Variants in TSNAXIP1 observed in about 807,000 individuals in gnomAD.
TSNAXIP1 encodes translin associated factor X interacting protein 1.
A neutral mutation model predicts 84.8 loss-of-function variants in TSNAXIP1; 89 were observed. The ratio of observed to expected loss-of-function variants is 1.05; its 90% confidence interval spans 0.88 to 1.25. The LOEUF (loss-of-function observed/expected upper bound fraction) is 1.25, where lower values mean the gene tolerates loss of function less well. Ranked by LOEUF, TSNAXIP1 falls within the 50% of genes most tolerant of loss-of-function variation. The pLI, the probability that TSNAXIP1 is intolerant of heterozygous loss-of-function variation, is 0.00. For missense variants in TSNAXIP1, 874 were observed against 887.6 expected (o/e 0.98, Z 0.20); for synonymous variants, 347 against 335.2 (o/e 1.04, Z -0.39).
At position 67,821,041 on chromosome 16, in the gene TSNAXIP1, T is replaced by A. The variant is rs952212272; in HGVS notation, c.261-58T>A. The A allele has an allele frequency of 2.5e-6, 4 of 1,608,102 alleles. No individual in the cohort carries two copies. The African/African-American group carries it at 5.3e-5, about 21-fold the overall frequency. On this transcript the variant is annotated intron_variant, in intron 3 of 15. Coordinates refer to ENST00000561639, the MANE Select transcript of TSNAXIP1 (RefSeq NM_001288990.3). The stretch of plus-strand genomic sequence containing the variant: ...GGCAGGGGCGTGTGTTGCCCCAGAC[T>A]GAGGGCACAAGGGCCCCGTGGGGGT...
chr16:67,821,261 G>GC, intron 4 of TSNAXIP1, 36 bp downstream of exon 4: 57 of 741,816 alleles, frequency 7.7e-5, no homozygotes, highest in Non-Finnish European at 1.1e-4. Flanking sequence ...GAGGGCGGGG[G>GC]AAGGGTGGGA....
At chr16:67,818,557 G>T (rs1389273453) in intron 2 of TSNAXIP1, among the ~76,000 whole-genome samples, 1 of 151,662 alleles carries the variant, frequency 6.6e-6, no homozygotes, top group African/African-American at 2.4e-5. Flanking sequence ...TGTCTTCCAG[G>T]GTTATTTTGT....
chr16:67,825,632 G>A (rs764244068), intron 7 of TSNAXIP1, 35 bp from the exon 8 acceptor site: 18 of 1,585,866 alleles, frequency 1.1e-5, no homozygotes, highest in South Asian at 2.3e-5. Flanking sequence ...AGAAAGCCAC[G>A]GTGACACGGG....
Position 67,820,871 on chromosome 16 carries a change from C to T in TSNAXIP1, c.180C>T (p.Ser60=). ...TGQFSMGGHL[S]PWPTYTSGQT... is the part of the protein sequence containing the mutation. ...AGTTCTCCATGGGTGGGCACCTGTC[C>T]CCATGGCCCACATACACCAGTGGCC... The change falls in exon 3 of 16, where the codon TCC becomes TCT. Residue 60 remains serine, a synonymous_variant. Transcript: ENST00000561639. The T allele has an allele frequency of 6.3e-7, 1 of 1,582,528 alleles. No individual in the cohort carries two copies. Among genetic ancestry groups the T allele is most frequent in the Non-Finnish European group, 8.6e-7 (1 of 1,165,454 alleles).
chr16:67,809,482 G>T (rs1567733971), intron 1 of TSNAXIP1, among the ~76,000 whole-genome samples: 1 of 150,856 alleles, frequency 6.6e-6, no homozygotes, highest in East Asian at 2.0e-4. Context: ...AATCAGCCAG[G>T]CATGGTGACC....
At chr16:67,826,383 T>C in intron 10 of TSNAXIP1, 54 bp from the exon 11 acceptor site, 1 of 1,609,148 alleles carries the variant, frequency 6.2e-7, no homozygotes. Flanking sequence ...TCTTCCCTGA[T>C]TGGGGGTGGG....
rs928490051 is a variant in TSNAXIP1 at position 67,825,821 on chromosome 16, G to C, written c.969G>C (p.Lys323Asn). The C allele has an allele frequency of 1.9e-6, 3 of 1,614,076 alleles. No homozygotes were observed. The highest frequency in any genetic ancestry group is 2.2e-5 in the East Asian group (1 of 44,888). Residue 323 changes from lysine (K) to asparagine (N), a missense_variant, in exon 8 of 16, where the codon AAG (lysine) becomes AAC (asparagine). By Grantham distance (94) the Lys-to-Asn change is moderately conservative. Transcript: ENST00000561639. ...RDFEMQEKTN[K>N]DLQEQLDTLR... Reference sequence around the variant, plus strand: ...TTGAAATGCAGGAGAAGACCAACAAGGATCTTCAGGAGCAGGTGCTGGCAG... The same window carrying C: ...TTGAAATGCAGGAGAAGACCAACAACGATCTTCAGGAGCAGGTGCTGGCAG...
Position 67,826,058 on chromosome 16 carries a change from G to C in TSNAXIP1, c.1126G>C (p.Asp376His). ...CCAGCGCACTTCCACGCCGCGGCCT[G>C]ACTGGACCAAGTGCAAAGGTGAGGG... ...EIQRTSTPRP[D>H]WTKCKDVVAG... The change falls in exon 9 of 16, where the codon GAC becomes CAC. Residue 376 changes from aspartate to histidine, a missense_variant. By Grantham distance (81) the Asp-to-His change is moderately conservative (BLOSUM62 -1). Transcript: ENST00000561639. 6.2e-7 allele frequency: 1 copy of C among 1,613,582 alleles called. No homozygotes were observed. The highest frequency in any genetic ancestry group is 8.5e-7 in the Non-Finnish European group (1 of 1,180,036).
At chr16:67,818,703 CTTTT>C (rs910240626) in intron 2 of TSNAXIP1, among the ~76,000 whole-genome samples, 3 of 135,542 alleles carry the variant, frequency 2.2e-5, no homozygotes, top group Non-Finnish European at 3.2e-5. Context: ...AGACCCCATC[CTTTT>C]TTTTTTTTTT....
chr16:67,825,282 A>C lies in TSNAXIP1; in HGVS notation c.814+10A>C. The C allele has an allele frequency of 1.2e-6, 2 of 1,613,734 alleles. No individual in the cohort carries two copies. ...TTAGCCCAGTCGCCAGGTAAGCCTGAATTGGGAATCGGGTTTCTCTCTTCT... is the reference window on the plus strand; with the variant it reads ...TTAGCCCAGTCGCCAGGTAAGCCTGCATTGGGAATCGGGTTTCTCTCTTCT... On this transcript the variant is annotated intron_variant, in intron 7 of 15. Transcript: ENST00000561639.
intron 1 of TSNAXIP1, 42 bp downstream of exon 1, chr16:67,807,238 T>C: frequency 6.5e-7 from 1 of 1,535,634 alleles, no homozygotes; most frequent in Non-Finnish European, 8.7e-7. Flanking sequence ...AGGGTTTGAG[T>C]ACTTCTAGAG....
intron 4 of TSNAXIP1, among the ~76,000 whole-genome samples, chr16:67,822,293 A>AG (rs905929150): frequency 3.3e-5 from 5 of 151,682 alleles, no homozygotes; most frequent in South Asian, 2.1e-4. Flanking sequence ...AAAAAAAAAA[A>AG]AAAAGAAAAC....
chr16:67,827,197 G>A (rs952161607), intron 13 of TSNAXIP1, 52 bp from the exon 14 acceptor site: 2 of 1,611,332 alleles, frequency 1.2e-6, no homozygotes, highest in Non-Finnish European at 1.7e-6. Context: ...ACTAGGGAGA[G>A]GCACAAGCAG....
chr16:67,826,225 G>A lies in TSNAXIP1; in HGVS notation c.1218G>A (p.Val406=). ...AGAACAGCGACCAGCTGGTGGACGT[G>A]CTCCTGGAAGAGATTGGTTCGGGGC... The part of the protein sequence containing the change: ...EGKNSDQLVD[V]LLEEIGSGLL... The change falls in exon 10 of 16, where the codon GTG becomes GTA. Residue 406 remains valine, a synonymous_variant. Coordinates refer to ENST00000561639, the MANE Select transcript of TSNAXIP1 (RefSeq NM_001288990.3). 6.2e-7 allele frequency: 1 copy of A among 1,602,122 alleles called. No individual in the cohort carries two copies. Among genetic ancestry groups the A allele is most frequent in the Non-Finnish European group, 8.5e-7 (1 of 1,173,168 alleles).
In TSNAXIP1 at chr16:67,824,856, G is replaced by A. The variant is rs965826480; in HGVS notation, c.678+77G>A. On this transcript the variant is annotated intron_variant, in intron 6 of 15. Coordinates refer to ENST00000561639, the MANE Select transcript of TSNAXIP1 (RefSeq NM_001288990.3). ...CACGACAAGGGTGACCCCCTACCCT[G>A]CTCTGCCTTTCTACGGAGAGTGACA... 19 of 1,472,992 alleles carry A rather than the reference G, an allele frequency of 1.3e-5. 1 individual carries two copies. In the South Asian group the frequency reaches 2.1e-4, roughly 16 times the overall value. 91.2% of individuals were successfully genotyped at this position (1,472,992 alleles called of 1,614,324 possible).
intron 2 of TSNAXIP1, 50 bp from the exon 3 acceptor site, chr16:67,820,789 A>AG: frequency 7.5e-7 from 1 of 1,338,022 alleles, no homozygotes; most frequent in Non-Finnish European, 1.0e-6. Context: ...GAGAAACATT[A>AG]GGAAGGGGAG....
chr16:67,826,301 G>A lies in TSNAXIP1; in HGVS notation c.1275+19G>A. On this transcript the variant is annotated intron_variant, in intron 10 of 15. Transcript: ENST00000561639. Reference sequence around the variant, plus strand: ...TGGTCTGGTAGGGGAGGCCCCAGGAGTGGGGCTTGGGCCAGAGTCAGAACA... The same window carrying A: ...TGGTCTGGTAGGGGAGGCCCCAGGAATGGGGCTTGGGCCAGAGTCAGAACA... 1 of 1,578,022 alleles carries A rather than the reference G, an allele frequency of 6.3e-7. No homozygotes were observed. Among genetic ancestry groups the A allele is most frequent in the South Asian group, 1.2e-5 (1 of 84,880 alleles).
chr16:67,816,418 T>C (rs752317611), intron 2 of TSNAXIP1, among the ~76,000 whole-genome samples: 9 of 152,192 alleles, frequency 5.9e-5, no homozygotes, highest in Admixed American at 5.2e-4. Context: ...CAGCATGGGC[T>C]GTATGGTGGT....
In TSNAXIP1 at chr16:67,823,675, A is replaced by G; in HGVS notation, c.437A>G (p.Lys146Arg). ...EFFIEDFKTYKPLLSSIKNAY... is the reference protein window; with the variant it reads ...EFFIEDFKTYRPLLSSIKNAY... Reference sequence around the variant, plus strand: ...TTCATAGAGGACTTCAAAACGTACAAGCCATTACTATCCTCCATCAAGAAT... The same window carrying G: ...TTCATAGAGGACTTCAAAACGTACAGGCCATTACTATCCTCCATCAAGAAT... The change falls in exon 5 of 16, where the codon AAG (lysine) becomes AGG (arginine). Residue 146 changes from lysine to arginine, a missense_variant. Physicochemically the swap from Lys to Arg is conservative, Grantham distance 26. Transcript: ENST00000561639. The G allele has an allele frequency of 6.2e-7, 1 of 1,613,902 alleles. No individual in the cohort carries two copies. The highest frequency in any genetic ancestry group is 8.5e-7 in the Non-Finnish European group (1 of 1,179,878).
Sources: allele counts gnomAD v4.1 joint callset (sites outside exome capture counted in the v4.1 genomes callset), GRCh38; gene constraint gnomAD v4.1.1; transcripts MANE v1.5; gene names NCBI Gene and HGNC (gene_info 2026-07-23, HGNC 2026-07-21).